Variants in NFAT5 observed in about 807,000 individuals in gnomAD.
NFAT5 encodes nuclear factor of activated T cells 5, also known as nuclear factor of activated T-cells 5.
A neutral mutation model predicts 166.5 loss-of-function variants in NFAT5; 31 were observed. The ratio of observed to expected loss-of-function variants is 0.19; its 90% CI spans 0.14 to 0.25. The LOEUF (loss-of-function observed/expected upper bound fraction) is 0.25, where lower values mean the gene tolerates loss of function less well. Ranked by LOEUF, NFAT5 falls within the 10% of genes least tolerant of loss-of-function variation. NFAT5 has a pLI of 1.00. For synonymous variants in NFAT5, 612 were observed against 639.7 expected (o/e 0.96, Z 0.65); for missense variants, 1,449 against 1,821.8 (o/e 0.80, Z 3.72).
intron 10 of NFAT5, among the ~76,000 whole-genome samples, chr16:69,684,040 A>G (rs1333915389): frequency 6.6e-6 from 1 of 151,968 alleles, no homozygotes; most frequent in African/African-American, 2.4e-5. Context: ...TGGAGGTTGC[A>G]GTGAGTCAAG....
intron 2 of NFAT5, among the ~76,000 whole-genome samples, chr16:69,607,245 C>A (rs960117922): frequency 2.6e-5 from 4 of 152,146 alleles, no homozygotes; most frequent in Non-Finnish European, 5.9e-5. Flanking sequence ...TACCTTTGTT[C>A]TTTCATTATG....
rs537253762 is a variant in NFAT5 at position 69,596,631 on chromosome 16, T to C, written c.127+28083T>C. Among the ~76,000 whole-genome samples the C allele has an allele frequency of 2.3e-4, 34 of 150,168 alleles. No homozygotes were observed. The South Asian group carries it at 6.8e-3, about 30-fold the overall frequency. On this transcript the variant is annotated intron_variant, in intron 2 of 14. Coordinates refer to ENST00000349945, the MANE Select transcript of NFAT5 (RefSeq NM_138713.4). ...TACTCAGGAGGCTGACGCAGGAGAATCGCTTGAACCCGGGAGGCAGAGGTT... is the reference window on the plus strand; with the variant it reads ...TACTCAGGAGGCTGACGCAGGAGAACCGCTTGAACCCGGGAGGCAGAGGTT...
intron 4 of NFAT5, among the ~76,000 whole-genome samples, chr16:69,651,828 T>A (rs1208694417): frequency 6.6e-6 from 1 of 151,796 alleles, no homozygotes; most frequent in Non-Finnish European, 1.5e-5. Context: ...CTGCCACCAC[T>A]CCTGGCTAAT....
chr16:69,605,369 G>A (rs1359275859), intron 2 of NFAT5, among the ~76,000 whole-genome samples: 1 of 152,166 alleles, frequency 6.6e-6, no homozygotes, highest in Non-Finnish European at 1.5e-5. Flanking sequence ...GAACCCAGGA[G>A]GCGGAGGTTG....
At chr16:69,584,656 G>T (rs1461492572) in intron 2 of NFAT5, among the ~76,000 whole-genome samples, 1 of 151,972 alleles carries the variant, frequency 6.6e-6, no homozygotes, top group Non-Finnish European at 1.5e-5. Flanking sequence ...GGGCATGGTG[G>T]CATGTGCCTG....
At chr16:69,653,708 G>C (rs934732164) in intron 5 of NFAT5, among the ~76,000 whole-genome samples, 7 of 151,882 alleles carry the variant, frequency 4.6e-5, no homozygotes, top group African/African-American at 1.7e-4. Flanking sequence ...GAGTAGCTGG[G>C]ACTACAGGTG....
intron 2 of NFAT5, among the ~76,000 whole-genome samples, chr16:69,569,812 C>T (rs918665875): frequency 6.6e-6 from 1 of 151,966 alleles, no homozygotes; most frequent in East Asian, 1.9e-4. Flanking sequence ...TTGTTTTGTA[C>T]GTGTAAGAAG....
At chr16:69,570,083 T>C (rs2016343534) in intron 2 of NFAT5, among the ~76,000 whole-genome samples, 1 of 152,072 alleles carries the variant, frequency 6.6e-6, no homozygotes, top group Non-Finnish European at 1.5e-5. Flanking sequence ...TTTAAGCAAA[T>C]ATTTTTAGTG....
At chr16:69,668,382 T>C (rs959096898) in intron 7 of NFAT5, among the ~76,000 whole-genome samples, 1 of 152,218 alleles carries the variant, frequency 6.6e-6, no homozygotes, top group Non-Finnish European at 1.5e-5. Context: ...ATATCTCTTA[T>C]CTTAAATGCT....
At chr16:69,682,642 A>C (rs1281351757) in intron 10 of NFAT5, among the ~76,000 whole-genome samples, 2 of 152,148 alleles carry the variant, frequency 1.3e-5, no homozygotes, top group African/African-American at 4.8e-5. Flanking sequence ...GAAGAATTTA[A>C]AAATAACTCA....
chr16:69,586,300 A>G (rs1204940975), intron 2 of NFAT5, among the ~76,000 whole-genome samples: 1 of 152,210 alleles, frequency 6.6e-6, no homozygotes, highest in Non-Finnish European at 1.5e-5. Context: ...ACTATGTTAC[A>G]TCTTTGATAA....
chr16:69,581,164 A>G (rs1004310831), intron 2 of NFAT5, among the ~76,000 whole-genome samples: 1 of 149,906 alleles, frequency 6.7e-6, no homozygotes, highest in African/African-American at 2.5e-5. Flanking sequence ...GCCTCACCAC[A>G]TGAGTAGCTG....
At position 69,573,869 on chromosome 16, in the gene NFAT5, CTT is replaced by C. The variant is rs774086026; in HGVS notation, c.127+5341_127+5342del. Among the ~76,000 whole-genome samples the C allele has an allele frequency of 3.3e-3, 374 of 111,726 alleles. 1 individual carries two copies. Among genetic ancestry groups the C allele is most frequent in the Middle Eastern group, 0.014 (3 of 212 alleles). The allele number at this position is 111,726 out of a possible 152,430, so 73.3% of individuals were successfully genotyped here. On this transcript the variant is annotated intron_variant, in intron 2 of 14. Transcript: ENST00000349945. ...TAGTATTATATATAAAAAACAGCCACTTTTTTTTTTTTTTTTTTTTTGAGATA... is the reference window on the plus strand; with the variant it reads ...TAGTATTATATATAAAAAACAGCCACTTTTTTTTTTTTTTTTTTTGAGATA...
At chr16:69,612,085 G>A (rs1475644822) in intron 2 of NFAT5, among the ~76,000 whole-genome samples, 2 of 152,076 alleles carry the variant, frequency 1.3e-5, no homozygotes, top group Admixed American at 1.3e-4. Context: ...TTATTTATTA[G>A]CAGTGTTTCT....
intron 2 of NFAT5, among the ~76,000 whole-genome samples, chr16:69,621,114 T>C (rs2034175800): frequency 6.6e-6 from 1 of 152,200 alleles, no homozygotes; most frequent in Non-Finnish European, 1.5e-5. Flanking sequence ...ACAAATTAGT[T>C]TGCAGCTTGG....
chr16:69,603,115 G>A (rs540725663), intron 2 of NFAT5, among the ~76,000 whole-genome samples: 2 of 151,926 alleles, frequency 1.3e-5, no homozygotes, highest in South Asian at 4.2e-4. Context: ...AAAAAAACAG[G>A]CCTATAGAAA....
chr16:69,615,087 G>A (rs1046695077), intron 2 of NFAT5, among the ~76,000 whole-genome samples: 6 of 151,026 alleles, frequency 4.0e-5, no homozygotes, highest in Non-Finnish European at 5.9e-5. Flanking sequence ...TGTTGCTCAG[G>A]CTGGAGTGCA....
intron 2 of NFAT5, among the ~76,000 whole-genome samples, chr16:69,570,950 A>G (rs1217649002): frequency 6.6e-6 from 1 of 152,126 alleles, no homozygotes; most frequent in Admixed American, 6.5e-5. Context: ...AATTTAGCAC[A>G]TGCTAAGTGC....
chr16:69,584,975 G>A (rs924806254), intron 2 of NFAT5, among the ~76,000 whole-genome samples: 4 of 152,012 alleles, frequency 2.6e-5, no homozygotes, highest in African/African-American at 9.7e-5. Flanking sequence ...GGCAAGTGCT[G>A]TCAAAACAGA....
Sources: allele counts gnomAD v4.1 joint callset (sites outside exome capture counted in the v4.1 genomes callset), GRCh38; gene constraint gnomAD v4.1.1; transcripts MANE v1.5; gene names NCBI Gene and HGNC (gene_info 2026-07-23, HGNC 2026-07-21).